CD48: variants seen among roughly 807,000 people sequenced by gnomAD.
The protein encoded by CD48 is CD48 antigen.
Under a neutral mutation model 22.0 loss-of-function variants are expected in CD48, and 20 were observed. The ratio of observed to expected loss-of-function variants is 0.91; its 90% CI spans 0.64 to 1.32. The LOEUF is 1.32. Ranked by LOEUF, CD48 falls within the 40% of genes most tolerant of loss-of-function variation. The probability of loss-of-function intolerance (pLI) is 0.00; values close to 1 mark genes in which losing one functional copy is unlikely to be tolerated. For missense variants in CD48, 307 were observed against 286.5 expected, an observed-to-expected ratio of 1.07 and a Z score of -0.52; for synonymous variants, 110 against 110.1, an observed-to-expected ratio of 1.00 and a Z score of 0.01.
chr1:160,688,481 A>C (rs1400311551), intron 1 of CD48, among the ~76,000 whole-genome samples: 8 of 152,200 alleles, frequency 5.3e-5, no homozygotes, highest in Admixed American at 5.2e-4. Flanking sequence ...AAGTTTGATT[A>C]TTTGTCCAAA....
chr1:160,680,715 C>T lies in CD48; in HGVS notation c.652+487G>A, dbSNP rs369798080. ...TGAGGCTCAGGCTCTCACGCCTCCTCGACGGCCTCTCTCAGGCCCGTCTCC... is the reference window on the plus strand; with the variant it reads ...TGAGGCTCAGGCTCTCACGCCTCCTTGACGGCCTCTCTCAGGCCCGTCTCC... On this transcript the variant is annotated intron_variant, in intron 3 of 3. Transcript: ENST00000368046. The T allele has an allele frequency of 7.7e-4, 782 of 1,020,868 alleles. 2 individuals are homozygous for T. The highest frequency in any genetic ancestry group is 4.0e-3 in the South Asian group (100 of 25,278). The allele number at this position is 1,020,868 out of a possible 1,614,324, so 63.2% of individuals were successfully genotyped here.
At chr1:160,680,748 C>G (rs1558029318) in intron 3 of CD48, 1 of 1,055,434 alleles carries the variant, frequency 9.5e-7, no homozygotes, top group South Asian at 3.6e-5. Context: ...TCCTCAGTCC[C>G]TCTTTCCCTG....
chr1:160,688,132 T>G (rs189888386), intron 1 of CD48, among the ~76,000 whole-genome samples: 4 of 152,198 alleles, frequency 2.6e-5, no homozygotes, highest in African/African-American at 4.8e-5. Context: ...ATGGATGCCT[T>G]GTTGAGAATT....
chr1:160,699,255 C>T (rs528557417), intron 1 of CD48: 269 of 156,294 alleles, frequency 1.7e-3, no homozygotes, highest in Non-Finnish European at 2.6e-3. Context: ...GCAAGATGTG[C>T]TTTGTTAAAC....
chr1:160,706,572 G>C (rs1662800901), intron 1 of CD48, among the ~76,000 whole-genome samples: 1 of 152,016 alleles, frequency 6.6e-6, no homozygotes, highest in Non-Finnish European at 1.5e-5. Context: ...CCACTTTTTA[G>C]GAAGTAGCTG....
At chr1:160,684,834 G>C (rs1174676723) in intron 2 of CD48, 53 bp downstream of exon 2, 1 of 1,613,936 alleles carries the variant, frequency 6.2e-7, no homozygotes, top group South Asian at 1.1e-5. Flanking sequence ...CCCTACAGTG[G>C]TCCATCTGGG....
At chr1:160,697,331 G>T (rs1008913074) in intron 1 of CD48, among the ~76,000 whole-genome samples, 1 of 152,300 alleles carries the variant, frequency 6.6e-6, no homozygotes, top group Admixed American at 6.5e-5. Context: ...CACGGAGATG[G>T]TAACACCAGT....
intron 3 of CD48, chr1:160,680,558 C>G: frequency 1.0e-6 from 1 of 990,568 alleles, no homozygotes; most frequent in Non-Finnish European, 1.2e-6. Context: ...CTTAGCTGTC[C>G]CATGCTAGCA....
chr1:160,684,986 T>G lies in CD48; in HGVS notation c.286A>C (p.Ile96Leu). Reference sequence around the variant, plus strand: ...TTGTCCTCTTTCTGGACCTTAGAGATGTACAGTGCGCCACTCTGAGGATCA... The same window carrying G: ...TTGTCCTCTTTCTGGACCTTAGAGAGGTACAGTGCGCCACTCTGAGGATCA... ...RLDPQSGALY[I>L]SKVQKEDNST... Residue 96 changes from isoleucine to leucine, a missense_variant, in exon 2 of 4, where the codon ATC becomes CTC. Coordinates refer to ENST00000368046, the MANE Select transcript of CD48 (RefSeq NM_001778.4). The G allele has an allele frequency of 6.2e-7, 1 of 1,614,196 alleles. No homozygotes were observed. Among genetic ancestry groups the G allele is most frequent in the Non-Finnish European group, 8.5e-7 (1 of 1,180,002 alleles).
chr1:160,702,169 C>T (rs544230993), intron 1 of CD48, among the ~76,000 whole-genome samples: 2 of 152,238 alleles, frequency 1.3e-5, no homozygotes, highest in African/African-American at 4.8e-5. Context: ...GATGCTCTAC[C>T]TAACACCAGG....
At chr1:160,690,421 C>G (rs1239268263) in intron 1 of CD48, among the ~76,000 whole-genome samples, 1 of 152,178 alleles carries the variant, frequency 6.6e-6, no homozygotes, top group Non-Finnish European at 1.5e-5. Context: ...ACACCAGGTT[C>G]CTGATTTGGA....
At chr1:160,710,253 A>C (rs1662908950) in intron 1 of CD48, among the ~76,000 whole-genome samples, 1 of 152,218 alleles carries the variant, frequency 6.6e-6, no homozygotes, top group African/African-American at 2.4e-5. Context: ...GCAAGACAGT[A>C]TTCTCATCTG....
intron 1 of CD48, among the ~76,000 whole-genome samples, chr1:160,700,786 T>C (rs1440665768): frequency 2.0e-5 from 3 of 152,150 alleles, no homozygotes; most frequent in Non-Finnish European, 4.4e-5. Flanking sequence ...TTTTAAAGAA[T>C]CTCTCCTAAT....
At chr1:160,679,223 G>A (rs1291253658) in intron 3 of CD48, 92 bp from the exon 4 acceptor site, 3 of 953,060 alleles carry the variant, frequency 3.1e-6, no homozygotes, top group East Asian at 4.9e-5. Flanking sequence ...TGGTGTGGGA[G>A]CTCACAGAGC....
rs191217452 is a variant in CD48, at chr1:160,698,269, G to T, written c.83-13080C>A. 5.4e-3 allele frequency among the ~76,000 whole-genome samples: 817 copies of T among 152,300 alleles called. 2 individuals are homozygous for T. The highest frequency in any genetic ancestry group is 0.01 in the Middle Eastern group (3 of 294). On this transcript the variant is annotated intron_variant, in intron 1 of 3. Transcript: ENST00000368046. ...CTTTTAATTGGCAGCACCGTATTCT[G>T]CTGGTGAGAGCAAGAGAAGGCATGT...
chr1:160,711,810 T>C lies in CD48; in HGVS notation c.-47A>G, dbSNP rs1662961072. Reference sequence around the variant, plus strand: ...GCAACGCAGGAGACAGTTGAGAGCCTGGCTAGAAAAAGGCCGGGGCTAAAA... The same window carrying C: ...GCAACGCAGGAGACAGTTGAGAGCCCGGCTAGAAAAAGGCCGGGGCTAAAA... On this transcript the variant is annotated 5_prime_UTR_variant, in exon 1 of 4. Coordinates refer to ENST00000368046, the MANE Select transcript of CD48 (RefSeq NM_001778.4). 7.0e-7 allele frequency: 1 copy of C among 1,435,284 alleles called. No homozygotes were observed. The allele number at this position is 1,435,284 out of a possible 1,614,324, so 88.9% of individuals were successfully genotyped here.
intron 1 of CD48, among the ~76,000 whole-genome samples, chr1:160,708,086 G>A (rs1662845449): frequency 6.6e-6 from 1 of 152,184 alleles, no homozygotes; most frequent in African/African-American, 2.4e-5. Flanking sequence ...GAATTTGGGG[G>A]TTGAGAATGG....
Position 160,678,795 on chromosome 1 carries a change from A to C in CD48, c.*257T>G, listed in dbSNP as rs1488818232. 1 of 339,386 alleles carries C rather than the reference A, an allele frequency of 2.9e-6. No individual in the cohort carries two copies. The highest frequency in any genetic ancestry group is 5.3e-6 in the Non-Finnish European group (1 of 187,326). The allele number at this position is 339,386 out of a possible 1,614,324, so 21.0% of individuals were successfully genotyped here. ...AATGTTTATTTTAAAAAATAATAAA[A>C]CATTCACATAATGTTGTCACAATTT... is the stretch of plus-strand genomic sequence containing the variant. On this transcript the variant is annotated 3_prime_UTR_variant, in exon 4 of 4. Coordinates refer to ENST00000368046, the MANE Select transcript of CD48 (RefSeq NM_001778.4).
chr1:160,685,335 G>A (rs1368895672), intron 1 of CD48, 146 bp from the exon 2 acceptor site: 8 of 644,912 alleles, frequency 1.2e-5, no homozygotes, highest in South Asian at 4.2e-5. Context: ...GGAGGTCCAG[G>A]TCTCCTGCTT....
Sources: allele counts gnomAD v4.1 joint callset (sites outside exome capture counted in the v4.1 genomes callset), GRCh38; gene constraint gnomAD v4.1.1; transcripts MANE v1.5; gene names NCBI Gene and HGNC (gene_info 2026-07-23, HGNC 2026-07-21).